RIPOR2: variants seen among roughly 807,000 people sequenced by gnomAD.
RIPOR2 encodes RHO family interacting cell polarization regulator 2, also known as rho family-interacting cell polarization regulator 2.
Under a neutral mutation model 114.5 loss-of-function variants are expected in RIPOR2, and 39 were observed. The ratio of observed to expected loss-of-function variants is 0.34; its 90% confidence interval spans 0.26 to 0.44. RIPOR2 has a LOEUF of 0.44. Ranked by LOEUF, RIPOR2 falls within the 20% of genes least tolerant of loss-of-function variation. RIPOR2 has a pLI of 1.00. For missense variants in RIPOR2, 1,007 were observed against 1,255.1 expected, an observed-to-expected ratio of 0.80 and a Z score of 2.99; for synonymous variants, 445 against 484.4, an observed-to-expected ratio of 0.92 and a Z score of 1.07.
intron 5 of RIPOR2, among the ~76,000 whole-genome samples, chr6:24,869,937 T>A (rs1764994689): frequency 6.6e-6 from 1 of 152,206 alleles, no homozygotes; most frequent in African/African-American, 2.4e-5. Flanking sequence ...GAGTTGTAAT[T>A]ATTATTATAT....
chr6:24,969,033 A>G (rs1469752189), intron 1 of RIPOR2, among the ~76,000 whole-genome samples: 2 of 152,074 alleles, frequency 1.3e-5, no homozygotes, highest in Non-Finnish European at 2.9e-5. Context: ...CCATCATTAG[A>G]CAAGCGATAT....
chr6:24,940,739 G>A (rs1028205457), upstream of RIPOR2, among the ~76,000 whole-genome samples: 10 of 151,918 alleles, frequency 6.6e-5, no homozygotes, highest in Admixed American at 3.3e-4. Context: ...TCCACCTCCC[G>A]GGTTCAAGTG....
chr6:25,029,411 GAAAAAA>G lies in RIPOR2; in HGVS notation c.76+12434_76+12439del, dbSNP rs71544610. On this transcript the variant is annotated intron_variant, in intron 1 of 13. Transcript: ENST00000510784. ...CAGAGCGAGACTCCGTCTCAAAAAAGAAAAAAAAAAAAAAAAAAAAAAGAAGAAGAA... is the reference window on the plus strand; with the variant it reads ...CAGAGCGAGACTCCGTCTCAAAAAAGAAAAAAAAAAAAAAAAGAAGAAGAA... Among the ~76,000 whole-genome samples the G allele has an allele frequency of 1.9e-3, 173 of 90,622 alleles. 4 individuals are homozygous for G. Among genetic ancestry groups the G allele is most frequent in the Non-Finnish European group, 5.9e-4 (29 of 49,416 alleles). The allele number at this position is 90,622 out of a possible 152,430, so 59.5% of individuals were successfully genotyped here. A position where few individuals can be genotyped will look rare whatever the true frequency, so the allele number is the denominator to read the frequency against.
At chr6:25,013,295 G>C (rs1469361332) in intron 1 of RIPOR2, among the ~76,000 whole-genome samples, 1 of 152,038 alleles carries the variant, frequency 6.6e-6, no homozygotes, top group Non-Finnish European at 1.5e-5. Flanking sequence ...TTTCAGAACA[G>C]TGATTCTTCA....
At chr6:24,936,423 TTTTTC>T (rs548137673), upstream of RIPOR2, among the ~76,000 whole-genome samples, 88 of 152,326 alleles carry the variant, frequency 5.8e-4, no homozygotes, top group South Asian at 7.5e-3. Context: ...AATAGTTGCA[TTTTTC>T]TTTTCTTTTC....
chr6:24,840,658 A>T (rs2113718993), intron 13 of RIPOR2: 1 of 1,533,528 alleles, frequency 6.5e-7, no homozygotes, highest in Non-Finnish European at 8.7e-7. Context: ...AGATGGCACA[A>T]AAGCACATGG....
At chr6:25,040,655 C>T (rs952091378) in intron 1 of RIPOR2, among the ~76,000 whole-genome samples, 14 of 149,272 alleles carry the variant, frequency 9.4e-5, no homozygotes, top group Admixed American at 2.7e-4. Context: ...TGCAATGGCA[C>T]GATCTCAGCT....
upstream of RIPOR2, among the ~76,000 whole-genome samples, chr6:24,936,918 T>C (rs1771840907): frequency 6.6e-6 from 1 of 152,234 alleles, no homozygotes; most frequent in Non-Finnish European, 1.5e-5. Context: ...TGTTTATTTT[T>C]GGCACTTTAT....
At chr6:24,954,442 C>T (rs891611492) in intron 1 of RIPOR2, among the ~76,000 whole-genome samples, 2 of 135,520 alleles carry the variant, frequency 1.5e-5, no homozygotes, top group Non-Finnish European at 3.2e-5. Context: ...CTGTGCAGGC[C>T]CAGTCTCTCT....
chr6:24,841,057 T>C (rs1226324047), intron 13 of RIPOR2, among the ~76,000 whole-genome samples: 1 of 152,196 alleles, frequency 6.6e-6, no homozygotes, highest in African/African-American at 2.4e-5. Context: ...CAGGACAATT[T>C]TGGAACAACA....
chr6:25,023,373 G>C, intron 1 of RIPOR2: 3 of 783,298 alleles, frequency 3.8e-6, no homozygotes, highest in Non-Finnish European at 7.0e-6. Context: ...ATGCTCACCG[G>C]CTCCTCGTTG....
At chr6:24,843,651 G>GA in intron 12 of RIPOR2, 97 bp from the exon 13 acceptor site, 1 of 883,156 alleles carries the variant, frequency 1.1e-6, no homozygotes, top group Non-Finnish European at 1.7e-6. Context: ...CAATTACAAT[G>GA]AAAAAACCCA....
In RIPOR2 at chr6:24,957,071, T is replaced by C. The variant is rs529246570; in HGVS notation, c.77-81254A>G. Among the ~76,000 whole-genome samples the C allele has an allele frequency of 2.0e-5, 3 of 152,366 alleles. No individual in the cohort carries two copies. In the East Asian group the frequency reaches 5.8e-4, roughly 29 times the overall value. On this transcript the variant is annotated intron_variant, in intron 1 of 13. Transcript: ENST00000510784. ...TTCATCTATTATCCACCATTTCTCCTGGATCTTGAAAATATGAGGTAGCTT... is the reference window on the plus strand; with the variant it reads ...TTCATCTATTATCCACCATTTCTCCCGGATCTTGAAAATATGAGGTAGCTT...
intron 11 of RIPOR2, among the ~76,000 whole-genome samples, chr6:24,848,681 T>C (rs1220790129): frequency 6.6e-6 from 1 of 152,116 alleles, no homozygotes; most frequent in Non-Finnish European, 1.5e-5. Context: ...ACCCGATTCA[T>C]CCAGCAAGAA....
rs34572978 is a variant in RIPOR2, at chr6:25,005,738, T to TATATATACACAC, written c.76+36112_76+36113insGTGTGTATATAT. Among the ~76,000 whole-genome samples, 80 of 70,694 alleles carry TATATATACACAC rather than the reference T, an allele frequency of 1.1e-3. 3 individuals are homozygous for TATATATACACAC. The highest frequency in any genetic ancestry group is 2.0e-3 in the Non-Finnish European group (60 of 30,022). The allele number at this position is 70,694 out of a possible 152,430, so 46.4% of individuals were successfully genotyped here. A position where few individuals can be genotyped will look rare whatever the true frequency, so the allele number is the denominator to read the frequency against. On this transcript the variant is annotated intron_variant, in intron 1 of 13. Coordinates refer to the RIPOR2 transcript ENST00000510784. The stretch of plus-strand genomic sequence containing the variant: ...ATATATATATATATATATATATATA[T>TATATATACACAC]ATACATTTACCGATCAAAAGATATG...
chr6:24,941,443 C>T (rs777595845), intron 1 of RIPOR2, among the ~76,000 whole-genome samples: 1 of 151,798 alleles, frequency 6.6e-6, no homozygotes, highest in Non-Finnish European at 1.5e-5. Context: ...ATCTTGGCTT[C>T]GTTACTATCT....
chr6:24,967,853 C>T (rs564445314), intron 1 of RIPOR2, among the ~76,000 whole-genome samples: 1 of 151,396 alleles, frequency 6.6e-6, no homozygotes, highest in South Asian at 2.1e-4. Context: ...GTGATCAGAG[C>T]CCAGGTCTTC....
intron 1 of RIPOR2, among the ~76,000 whole-genome samples, chr6:24,957,281 G>A (rs1773082939): frequency 6.6e-6 from 1 of 152,180 alleles, no homozygotes; most frequent in Non-Finnish European, 1.5e-5. Flanking sequence ...TGTTCTTGGT[G>A]ATTTACAAAT....
intron 1 of RIPOR2, among the ~76,000 whole-genome samples, chr6:24,952,072 A>T (rs1453868411): frequency 6.6e-6 from 1 of 152,232 alleles, no homozygotes; most frequent in Non-Finnish European, 1.5e-5. Context: ...ATGGAGCAAC[A>T]TAGGATGACC....
Sources: gnomAD v4.1 joint callset for allele counts (sites outside exome capture counted in the v4.1 genomes callset) on GRCh38, gnomAD v4.1.1 for gene constraint, MANE v1.5 for transcripts, NCBI Gene and HGNC (gene_info 2026-07-23, HGNC 2026-07-21) for gene names.